CD99L2: variants seen among roughly 807,000 people sequenced by gnomAD.
The protein encoded by CD99L2 is CD99 antigen-like protein 2.
A neutral mutation model predicts 27.3 loss-of-function variants in CD99L2; 24 were observed. The observed-to-expected ratio is 0.88, with a 90% CI of 0.64 to 1.24. CD99L2 has a LOEUF of 1.24. Among genes scored for constraint, CD99L2 ranks in the 50% most tolerant of loss-of-function variants. CD99L2 has a pLI of 0.00. For synonymous variants in CD99L2, 97 were observed against 87.9 expected (o/e 1.10, Z -0.58); for missense variants, 255 against 221.6 (o/e 1.15, Z -0.96).
chrX:150,846,069 G>A (rs1237881816), intron 1 of CD99L2, among the ~76,000 whole-genome samples: 2 of 112,007 alleles, frequency 1.8e-5, no homozygotes, highest in African/African-American at 3.2e-5. Flanking sequence ...GCATATGCCC[G>A]TAATCCCAGC....
At chrX:150,814,468 C>T (rs1256773698) in intron 4 of CD99L2, among the ~76,000 whole-genome samples, 1 of 112,551 alleles carries the variant, frequency 8.9e-6, no homozygotes, top group African/African-American at 3.2e-5. Context: ...TCCAGCCAGA[C>T]ATGAGAGAAA....
At chrX:150,792,318 T>C (rs1447134217) in intron 7 of CD99L2, among the ~76,000 whole-genome samples, 1 of 112,426 alleles carries the variant, frequency 8.9e-6, no homozygotes, top group Non-Finnish European at 1.9e-5. Flanking sequence ...CATTCATGTG[T>C]GTGCTTACAC....
At position 150,805,355 on chromosome X, in the gene CD99L2, G is replaced by A. The variant is rs182645572; in HGVS notation, c.277+9507C>T. Among the ~76,000 whole-genome samples the A allele has an allele frequency of 6.3e-5, 7 of 111,434 alleles. No individual in the cohort carries two copies. In the East Asian group the frequency reaches 2.0e-3, roughly 31 times the overall value. On this transcript the variant is annotated intron_variant, in intron 4 of 10. Coordinates refer to ENST00000370377, the MANE Select transcript of CD99L2 (RefSeq NM_031462.4). ...AGTAGGGAGATGCTAGTCAAAGGGT[G>A]CAAAGTTTCAGTTAGACAGGAGGAA... is the stretch of plus-strand genomic sequence containing the variant.
At chrX:150,835,088 G>A (rs1557421153) in intron 1 of CD99L2, among the ~76,000 whole-genome samples, 2 of 111,212 alleles carry the variant, frequency 1.8e-5, no homozygotes, top group African/African-American at 6.5e-5. Context: ...CTGAGGGGAG[G>A]GAGAAGTATG....
At chrX:150,868,922 A>G (rs1246559506) in intron 1 of CD99L2, among the ~76,000 whole-genome samples, 1 of 112,034 alleles carries the variant, frequency 8.9e-6, no homozygotes, top group Non-Finnish European at 1.9e-5. Flanking sequence ...ATCAATAAAC[A>G]AAGATGACTA....
intron 7 of CD99L2, among the ~76,000 whole-genome samples, chrX:150,790,774 A>G (rs1235030201): frequency 8.9e-6 from 1 of 112,116 alleles, no homozygotes; most frequent in Non-Finnish European, 1.9e-5. Context: ...AGTTGGAGAT[A>G]TAAGTATGAA....
chrX:150,893,728 T>C (rs782081686), intron 1 of CD99L2, among the ~76,000 whole-genome samples: 1 of 110,103 alleles, frequency 9.1e-6, no homozygotes, highest in South Asian at 3.9e-4. Context: ...CCCTTTTTTT[T>C]GTTTTGAGAC....
intron 2 of CD99L2, among the ~76,000 whole-genome samples, chrX:150,825,789 A>G (rs781982973): frequency 8.9e-6 from 1 of 112,502 alleles, no homozygotes; most frequent in South Asian, 3.7e-4. Flanking sequence ...TGACAAACTC[A>G]GAAAAAATTC....
At chrX:150,770,059 G>A (rs1464812111) in intron 10 of CD99L2, among the ~76,000 whole-genome samples, 2 of 113,100 alleles carry the variant, frequency 1.8e-5, no homozygotes, top group African/African-American at 6.4e-5. Context: ...CGAATCAAGG[G>A]CAGGGGCCGA....
rs148037369 is a variant in CD99L2, at chrX:150,857,360, A to G, written c.68-26067T>C. 5.1e-3 allele frequency among the ~76,000 whole-genome samples: 566 copies of G among 110,997 alleles called. 7 individuals carry two copies. Among genetic ancestry groups the G allele is most frequent in the Middle Eastern group, 0.014 (3 of 219 alleles). On this transcript the variant is annotated intron_variant, in intron 1 of 10. Coordinates refer to ENST00000370377, the MANE Select transcript of CD99L2 (RefSeq NM_031462.4). The stretch of plus-strand genomic sequence containing the variant: ...AATTTAAAGAGCAACCCATAAAAAC[A>G]GCAAGAGAAAAGCATCTAATCACCT...
At chrX:150,829,786 C>T (rs937000269) in intron 2 of CD99L2, among the ~76,000 whole-genome samples, 19 of 111,425 alleles carry the variant, frequency 1.7e-4, no homozygotes. Context: ...TACAGTAGTT[C>T]TCATGTCAGT....
At chrX:150,775,548 C>T (rs1557419228) in intron 9 of CD99L2, among the ~76,000 whole-genome samples, 1 of 112,601 alleles carries the variant, frequency 8.9e-6, no homozygotes, top group Non-Finnish European at 1.9e-5. Context: ...CTTTTAAAAA[C>T]CTAGTAAAGG....
chrX:150,785,393 C>T (rs1394455860), intron 7 of CD99L2, among the ~76,000 whole-genome samples: 1 of 111,693 alleles, frequency 9.0e-6, no homozygotes, highest in Non-Finnish European at 1.9e-5. Context: ...GTCTGCCATC[C>T]CTCTTGTCAA....
chrX:150,822,052 A>C, intron 2 of CD99L2, among the ~76,000 whole-genome samples: 1 of 112,387 alleles, frequency 8.9e-6, no homozygotes, highest in Non-Finnish European at 1.9e-5. Flanking sequence ...CAGGTATTCA[A>C]ATAAGTACGT....
intron 1 of CD99L2, among the ~76,000 whole-genome samples, chrX:150,844,927 T>A (rs1199011188): frequency 8.9e-6 from 1 of 111,949 alleles, no homozygotes; most frequent in Non-Finnish European, 1.9e-5. Context: ...GTCACTGAGA[T>A]GCAAGCGCCA....
intron 1 of CD99L2, among the ~76,000 whole-genome samples, chrX:150,890,151 A>AAAATAAATAAAT (rs56795332): frequency 0.018 from 1,767 of 98,864 alleles, 50 homozygotes; most frequent in African/African-American, 0.067. Context: ...ACTCCGTCTC[A>AAAATAAATAAAT]AAATAAATAA....
At chrX:150,850,166 T>A (rs973499542) in intron 1 of CD99L2, among the ~76,000 whole-genome samples, 2 of 111,760 alleles carry the variant, frequency 1.8e-5, no homozygotes, top group African/African-American at 6.5e-5. Context: ...TCTAGATTGT[T>A]GAACATGCCT....
rs782611936 is a variant in CD99L2 at position 150,795,128 on chromosome X, C to T, written c.430+78G>A. ...CTCCAGTGGCTTGAAGTGCCTCCAG[C>T]TCTGCCAGGCCCAAGCTGGCTCTGG... On this transcript the variant is annotated intron_variant, in intron 6 of 10. Coordinates refer to ENST00000370377, the MANE Select transcript of CD99L2 (RefSeq NM_031462.4). 1.1e-5 allele frequency: 12 copies of T among 1,121,684 alleles called. No homozygotes were observed. The South Asian group carries it at 1.8e-4, about 17-fold the overall frequency. The allele number at this position is 1,121,684 out of a possible 1,213,427, so 92.4% of individuals were successfully genotyped here.
intron 7 of CD99L2, among the ~76,000 whole-genome samples, chrX:150,782,995 A>T (rs1342584345): frequency 9.0e-6 from 1 of 110,975 alleles, no homozygotes; most frequent in Non-Finnish European, 1.9e-5. Context: ...GGATAGATAA[A>T]ATGTGGTCTA....
Sources: allele counts gnomAD v4.1 joint callset (sites outside exome capture counted in the v4.1 genomes callset), GRCh38; gene constraint gnomAD v4.1.1; transcripts MANE v1.5; gene names NCBI Gene and HGNC (gene_info 2026-07-23, HGNC 2026-07-21).